NAV1: variants seen among roughly 807,000 people sequenced by gnomAD.
NAV1 encodes the protein pore membrane and/or filament interacting like protein 3.
NAV1 carries 18 observed loss-of-function variants against 175.2 expected under a neutral mutation model. That is an observed-to-expected ratio of 0.10 (90% CI 0.07 to 0.15). NAV1 has a LOEUF of 0.15. NAV1 is among the 10% of genes least tolerant of loss of function. The pLI is 1.00. For missense variants in NAV1, 1,731 were observed against 2,436.6 expected, an observed-to-expected ratio of 0.71 and a Z score of 6.10; for synonymous variants, 897 against 978.7, an observed-to-expected ratio of 0.92 and a Z score of 1.56.
rs537542358 is a variant in NAV1, at chr1:201,565,846, G to A, written c.-143-22693G>A. 7.9e-5 allele frequency among the ~76,000 whole-genome samples: 12 copies of A among 152,286 alleles called. No individual in the cohort carries two copies. In the East Asian group the frequency reaches 2.3e-3, roughly 29 times the overall value. ...CCAGGGGCCTTGTGGCTTCAGGCCA[G>A]CATTTTATCCCTGGAGGCGCCAGAC... On this transcript the variant is annotated intron_variant, in intron 1 of 33. Coordinates refer to the NAV1 transcript ENST00000685211.
chr1:201,663,640 C>G (rs1669700518), intron 1 of NAV1, among the ~76,000 whole-genome samples: 1 of 152,194 alleles, frequency 6.6e-6, no homozygotes, highest in Admixed American at 6.5e-5. Context: ...GGGAGGACAT[C>G]TGGGGAGGAA....
chr1:201,704,742 A>T (rs2102452109), intron 1 of NAV1, among the ~76,000 whole-genome samples: 1 of 152,338 alleles, frequency 6.6e-6, no homozygotes, highest in East Asian at 1.9e-4. Context: ...GTTGAATCAG[A>T]AGCTCTGGGG....
At chr1:201,715,565 G>T (rs552299787) in intron 2 of NAV1, among the ~76,000 whole-genome samples, 151 of 152,326 alleles carry the variant, frequency 9.9e-4, no homozygotes, top group African/African-American at 3.4e-3. Flanking sequence ...GAGGCTGGGG[G>T]CAGGGAGGCA....
intron 3 of NAV1, among the ~76,000 whole-genome samples, chr1:201,757,578 A>G (rs1178635728): frequency 6.6e-6 from 1 of 152,220 alleles, no homozygotes; most frequent in East Asian, 1.9e-4. Context: ...CTGTCTTGAT[A>G]TAGATTGCAC....
At chr1:201,554,910 G>C (rs1482364460) in intron 1 of NAV1, among the ~76,000 whole-genome samples, 1 of 152,104 alleles carries the variant, frequency 6.6e-6, no homozygotes, top group Non-Finnish European at 1.5e-5. Flanking sequence ...ATTTTTCCTT[G>C]CCTCTTCTAG....
chr1:201,734,470 A>AGAG (rs1248619054), intron 3 of NAV1, among the ~76,000 whole-genome samples: 4 of 140,114 alleles, frequency 2.9e-5, no homozygotes, highest in Non-Finnish European at 4.7e-5. Context: ...AGGAGGAGGA[A>AGAG]GAGGAGGAGG....
chr1:201,786,621 G>A (rs1194090871), intron 9 of NAV1, 44 bp downstream of exon 13: 12 of 1,583,222 alleles, frequency 7.6e-6, no homozygotes, highest in Admixed American at 1.7e-5. Flanking sequence ...GTGAAGCAGG[G>A]GTCACCCTGC....
At chr1:201,805,313 A>G (rs2102796777) in intron 17 of NAV1, among the ~76,000 whole-genome samples, 1 of 152,364 alleles carries the variant, frequency 6.6e-6, no homozygotes, top group South Asian at 2.1e-4. Flanking sequence ...TCGGGCAGTA[A>G]GTGCTAAAGG....
At chr1:201,677,751 G>A (rs1007959919) in intron 1 of NAV1, among the ~76,000 whole-genome samples, 5 of 152,218 alleles carry the variant, frequency 3.3e-5, no homozygotes, top group African/African-American at 7.2e-5. Flanking sequence ...CCTCAGCTTC[G>A]TGAGTAGCTA....
chr1:201,618,254 C>T (rs1176749399), upstream of NAV1, among the ~76,000 whole-genome samples: 1 of 152,160 alleles, frequency 6.6e-6, no homozygotes, highest in Non-Finnish European at 1.5e-5. Flanking sequence ...AAACCTGCAC[C>T]CGGGCTGGAT....
rs116510533 is a variant in NAV1 at position 201,663,110 on chromosome 1, C to G, written c.757+13685C>G. Among the ~76,000 whole-genome samples, 629 of 152,344 alleles carry G rather than the reference C, an allele frequency of 4.1e-3. 7 individuals carry two copies. Among genetic ancestry groups the G allele is most frequent in the African/African-American group, 0.013 (548 of 41,574 alleles). ...GGATGCCCATGGTTTCATGCCTCCT[C>G]TGTCCAAGACATCAGCCAATTCCCC... is the stretch of plus-strand genomic sequence containing the variant. On this transcript the variant is annotated intron_variant, in intron 1 of 29. Coordinates refer to ENST00000367296, the Ensembl canonical transcript of NAV1.
intron 1 of NAV1, 100 bp downstream of exon 3, chr1:201,623,706 A>G (rs1668242261): frequency 2.0e-6 from 2 of 977,320 alleles, no homozygotes; most frequent in Non-Finnish European, 1.2e-6. Context: ...AGTGGCTGGT[A>G]AAGACCAGAG....
intron 1 of NAV1, among the ~76,000 whole-genome samples, chr1:201,689,252 A>AT (rs1326611065): frequency 1.3e-5 from 2 of 152,240 alleles, no homozygotes; most frequent in Non-Finnish European, 2.9e-5. Flanking sequence ...TACTGCACAA[A>AT]TTATAGGATA....
At position 201,782,587 on chromosome 1, in the gene NAV1, G is replaced by A. The variant is rs1173910809; in HGVS notation, c.2075G>A (p.Arg692His). The change falls in exon 6 of 30, where the codon CGC (arginine) becomes CAC (histidine). Residue 692 changes from arginine (R) to histidine (H), a missense_variant. By Grantham distance (29) the Arg-to-His change is conservative (BLOSUM62 0). Coordinates refer to ENST00000367296, the Ensembl canonical transcript of NAV1. The surrounding 1 kb of genome is among the most constrained non-coding windows in gnomAD (Gnocchi z 5.4). ...GTGACCGGCGGGCGGGGTGGACCTC[G>A]CCCTGTGAGCAGCAGCATTGACCCC... is the stretch of plus-strand genomic sequence containing the variant. The A allele has an allele frequency of 8.7e-6, 14 of 1,612,828 alleles. No individual in the cohort carries two copies. The highest frequency in any genetic ancestry group is 1.7e-5 in the Admixed American group (1 of 59,966).
intron 1 of NAV1, among the ~76,000 whole-genome samples, chr1:201,549,242 C>CT (rs1212023022): frequency 6.6e-6 from 1 of 151,588 alleles, no homozygotes; most frequent in African/African-American, 2.4e-5. Flanking sequence ...AAGTCTCACT[C>CT]TGTCACCCAG....
chr1:201,815,039 C>CAAAAACAAAAAAA (rs1678939103), intron 28 of NAV1, among the ~76,000 whole-genome samples: 1 of 76,140 alleles, frequency 1.3e-5, no homozygotes, highest in Non-Finnish European at 2.5e-5. Context: ...GACTCTGTCT[C>CAAAAACAAAAAAA]AAAAAAAAAA....
chr1:201,689,059 G>C (rs1373366971), intron 1 of NAV1, among the ~76,000 whole-genome samples: 1 of 152,208 alleles, frequency 6.6e-6, no homozygotes, highest in Non-Finnish European at 1.5e-5. Flanking sequence ...CCAAGAGGCA[G>C]TTAATCCCAG....
In NAV1 at chr1:201,736,578, G is replaced by A. The variant is rs998932659; in HGVS notation, c.1226+17823G>A. 2.0e-5 allele frequency among the ~76,000 whole-genome samples: 3 copies of A among 152,272 alleles called. 1 individual carries two copies. The East Asian group carries it at 5.8e-4, about 29-fold the overall frequency. On this transcript the variant is annotated intron_variant, in intron 3 of 29. Transcript: ENST00000367296. Reference sequence around the variant, plus strand: ...CTTTGAGGTGGGGAAGGTGTGGGAAGGAAGAGAGAATTACCCCCTCCCAGG... The same window carrying A: ...CTTTGAGGTGGGGAAGGTGTGGGAAAGAAGAGAGAATTACCCCCTCCCAGG...
At chr1:201,756,257 T>G (rs563521739) in intron 3 of NAV1, among the ~76,000 whole-genome samples, 1 of 152,142 alleles carries the variant, frequency 6.6e-6, no homozygotes, top group Non-Finnish European at 1.5e-5. Flanking sequence ...ATGGGCATAA[T>G]GCAGAGCCTA....
Sources: allele counts gnomAD v4.1 joint callset (sites outside exome capture counted in the v4.1 genomes callset), GRCh38; gene constraint gnomAD v4.1.1; non-coding constraint Gnocchi (gnomAD v3.1); transcripts MANE v1.5; gene names NCBI Gene and HGNC (gene_info 2026-07-23, HGNC 2026-07-21).